The following ABCG1 variants were observed in gnomAD, a reference collection of about 807,000 sequenced individuals.
ABCG1 encodes ATP binding cassette subfamily G member 1.
In ABCG1, 29 loss-of-function variants were observed where a neutral mutation model predicts 69.2. That is an observed-to-expected ratio of 0.42 (90% CI 0.31 to 0.57). ABCG1 has a LOEUF of 0.57. Among genes scored for constraint, ABCG1 ranks in the 20% least tolerant of loss-of-function variants. The probability of loss-of-function intolerance (pLI) is 0.15; values close to 1 mark genes in which losing one functional copy is unlikely to be tolerated. For synonymous variants in ABCG1, 370 were observed against 374.8 expected, an observed-to-expected ratio of 0.99 and a Z score of 0.15; for missense variants, 718 against 898.1, an observed-to-expected ratio of 0.80 and a Z score of 2.56.
At position 42,273,658 on chromosome 21, in the gene ABCG1, A is replaced by G. The variant is rs2068658404; in HGVS notation, c.537+223A>G. 6.6e-6 allele frequency among the ~76,000 whole-genome samples: 1 copy of G among 152,096 alleles called. No individual in the cohort carries two copies. Among genetic ancestry groups the G allele is most frequent in the South Asian group, 2.1e-4 (1 of 4,816 alleles). The stretch of plus-strand genomic sequence containing the variant: ...CCCCCCAAGACTGTGAGTTTAATGG[A>G]CCTTGTTTGGCAGGGTTGGGGTCAA... On this transcript the variant is annotated intron_variant, in intron 4 of 14. Transcript: ENST00000398449. The surrounding 1 kb of genome is among the most constrained non-coding windows in gnomAD (Gnocchi z 5.3).
chr21:42,227,410 A>G (rs918924799), intron 2 of ABCG1, among the ~76,000 whole-genome samples: 5 of 152,268 alleles, frequency 3.3e-5, no homozygotes, highest in Non-Finnish European at 7.3e-5. Context: ...GTTTGTCTAT[A>G]TAGACAAATT....
upstream of ABCG1, among the ~76,000 whole-genome samples, chr21:42,214,264 C>T (rs2067616804): frequency 6.6e-6 from 1 of 152,252 alleles, no homozygotes; most frequent in Non-Finnish European, 1.5e-5. Context: ...CCCATCTCTT[C>T]CTCTTCCATC....
upstream of ABCG1, among the ~76,000 whole-genome samples, chr21:42,211,887 T>A (rs575033912): frequency 5.3e-5 from 8 of 152,138 alleles, no homozygotes; most frequent in Admixed American, 4.6e-4. Flanking sequence ...AGACTCTGTC[T>A]TAAAAACAAA....
chr21:42,260,381 A>G (rs2068387259), intron 2 of ABCG1, among the ~76,000 whole-genome samples: 1 of 152,232 alleles, frequency 6.6e-6, no homozygotes, highest in Admixed American at 6.5e-5. Flanking sequence ...GTGAAACACA[A>G]GCCGGGGAGC....
At chr21:42,294,352 C>T (rs375141620) in intron 13 of ABCG1, among the ~76,000 whole-genome samples, 190 bp from the exon 14 acceptor site, 5 of 152,244 alleles carry the variant, frequency 3.3e-5, no homozygotes, top group Middle Eastern at 3.4e-3. Flanking sequence ...GCAGGGCAGC[C>T]GGGGGGTCCT....
chr21:42,203,743 C>A (rs1177756019), intron 2 of ABCG1, among the ~76,000 whole-genome samples: 1 of 152,146 alleles, frequency 6.6e-6, no homozygotes, highest in South Asian at 2.1e-4. Flanking sequence ...AACTCCTTGG[C>A]CTTTCTTTAA....
Position 42,284,693 on chromosome 21 carries a change from C to T in ABCG1, c.858+10C>T. The T allele has an allele frequency of 4.3e-6, 7 of 1,611,586 alleles. No homozygotes were observed. Among genetic ancestry groups the T allele is most frequent in the Non-Finnish European group, 5.9e-6 (7 of 1,179,778 alleles). ...CGAGCTGTTCGACCAGGTACGCGGG[C>T]CCCGGGCCCTCCCCGCCAGATTACC... On this transcript the variant is annotated intron_variant, in intron 7 of 14. Transcript: ENST00000398449.
At chr21:42,223,848 G>C (rs2067770569) in intron 1 of ABCG1, among the ~76,000 whole-genome samples, 1 of 152,176 alleles carries the variant, frequency 6.6e-6, no homozygotes, top group Non-Finnish European at 1.5e-5. Context: ...GTATTAGTGT[G>C]GGCTTCAGCC....
chr21:42,288,905 T>G lies in ABCG1; in HGVS notation c.1224+593T>G, dbSNP rs1187819960. 6.6e-6 allele frequency among the ~76,000 whole-genome samples: 1 copy of G among 152,104 alleles called. No homozygotes were observed. The highest frequency in any genetic ancestry group is 1.5e-5 in the Non-Finnish European group (1 of 68,014). On this transcript the variant is annotated intron_variant, in intron 10 of 14. Transcript: ENST00000398449. The surrounding 1 kb of genome is among the most constrained non-coding windows in gnomAD (Gnocchi z 4.8). ...CGGGGAGCCCTCAGGAAACTTTCAA[T>G]CATGGTGGAAGGCAAAGTGGGATGG... is the stretch of plus-strand genomic sequence containing the variant.
intron 6 of ABCG1, among the ~76,000 whole-genome samples, chr21:42,283,462 TC>T (rs1021183325): frequency 1.3e-5 from 2 of 151,290 alleles, no homozygotes; most frequent in African/African-American, 4.9e-5. Flanking sequence ...AGAAGAGAGG[TC>T]CCCCCAGGAC....
intron 2 of ABCG1, among the ~76,000 whole-genome samples, chr21:42,228,228 G>T (rs1405116629): frequency 6.6e-6 from 1 of 152,170 alleles, no homozygotes; most frequent in Admixed American, 6.5e-5. Flanking sequence ...GTGTGCTCAG[G>T]CAGGGGAAGA....
chr21:42,238,334 T>C (rs225445), intron 2 of ABCG1, among the ~76,000 whole-genome samples: 80,523 of 151,950 alleles, frequency 0.53, 23,229 homozygotes, highest in African/African-American at 0.77. Flanking sequence ...ATCTCAACAC[T>C]CTGAGCTCTG....
upstream of ABCG1, among the ~76,000 whole-genome samples, chr21:42,218,030 C>T (rs1005219518): frequency 6.6e-6 from 1 of 152,090 alleles, no homozygotes; most frequent in Non-Finnish European, 1.5e-5. Flanking sequence ...AACTCATAAC[C>T]GTGTCTCCTT....
intron 2 of ABCG1, among the ~76,000 whole-genome samples, chr21:42,258,924 C>G (rs888822430): frequency 2.0e-5 from 3 of 152,238 alleles, no homozygotes; most frequent in African/African-American, 4.8e-5. Flanking sequence ...AATCAACCTT[C>G]TCATGTGAGG....
At chr21:42,237,562 C>G (rs558408180) in intron 2 of ABCG1, among the ~76,000 whole-genome samples, 1 of 152,356 alleles carries the variant, frequency 6.6e-6, no homozygotes, top group South Asian at 2.1e-4. Flanking sequence ...CAAAATTACC[C>G]CTGCGTCTCA....
rs890988802 is a variant in ABCG1 at position 42,287,275 on chromosome 21, G to T, written c.974-614G>T. Reference sequence around the variant, plus strand: ...AGTCCAGGTGGAGGGAGACCTTAGGGGAGCGAGTCTGCAGGTGGAGTGGGG... The same window carrying T: ...AGTCCAGGTGGAGGGAGACCTTAGGTGAGCGAGTCTGCAGGTGGAGTGGGG... On this transcript the variant is annotated intron_variant, in intron 8 of 14. Coordinates refer to ENST00000398449, the MANE Select transcript of ABCG1 (RefSeq NM_016818.3). The surrounding 1 kb of genome is among the most constrained non-coding windows in gnomAD (Gnocchi z 6.2). Among the ~76,000 whole-genome samples the T allele has an allele frequency of 1.3e-5, 2 of 152,160 alleles. No homozygotes were observed. The highest frequency in any genetic ancestry group is 2.9e-5 in the Non-Finnish European group (2 of 68,026).
intron 7 of ABCG1, among the ~76,000 whole-genome samples, chr21:42,285,647 A>G (rs2068925340): frequency 6.6e-6 from 1 of 152,218 alleles, no homozygotes; most frequent in African/African-American, 2.4e-5. Context: ...ACAGCAAGCA[A>G]TATAGTCAAA....
chr21:42,296,362 C>T lies in ABCG1; in HGVS notation c.1971C>T (p.Val657=), dbSNP rs371359500. Residue 657 remains valine (V), a synonymous_variant, in exon 15 of 15, where the codon GTC becomes GTT. Transcript: ENST00000398449. This position sits in a 1 kb window ranked among gnomAD's most constrained non-coding sequence, Gnocchi z 5.4. Reference sequence around the variant, plus strand: ...CCCTCCGCCTCATTGCCTATTTTGTCCTCAGGTACAAAATCCGGGCAGAGA... The same window carrying T: ...CCCTCCGCCTCATTGCCTATTTTGTTCTCAGGTACAAAATCCGGGCAGAGA... ...FISLRLIAYF[V]LRYKIRAER 3.8e-5 allele frequency: 61 copies of T among 1,613,916 alleles called. No individual in the cohort carries two copies. Among genetic ancestry groups the T allele is most frequent in the Non-Finnish European group, 5.0e-5 (59 of 1,179,996 alleles).
At chr21:42,245,042 C>T (rs1381845420) in intron 2 of ABCG1, among the ~76,000 whole-genome samples, 5 of 152,222 alleles carry the variant, frequency 3.3e-5, no homozygotes, top group Non-Finnish European at 7.3e-5. Flanking sequence ...TGCCCCCACG[C>T]GCTCCACGAG....
Sources: gnomAD v4.1 joint callset for allele counts (sites outside exome capture counted in the v4.1 genomes callset) on GRCh38, gnomAD v4.1.1 for gene constraint, Gnocchi (gnomAD v3.1) non-coding constraint, MANE v1.5 for transcripts, NCBI Gene and HGNC (gene_info 2026-07-23, HGNC 2026-07-21) for gene names.